WWOX: variants seen among roughly 807,000 people sequenced by gnomAD.
WWOX encodes the protein WW domain-containing oxidoreductase.
Under a neutral mutation model 46.2 loss-of-function variants are expected in WWOX, and 69 were observed. The observed-to-expected ratio is 1.49, with a 90% CI of 1.23 to 1.82. The LOEUF is 1.82. Ranked by LOEUF, WWOX falls within the 40% of genes most tolerant of loss-of-function variation. The pLI, the probability that WWOX is intolerant of heterozygous loss-of-function variation, is 0.00. For synonymous variants in WWOX, 359 were observed against 202.6 expected, an observed-to-expected ratio of 1.77 and a Z score of -6.56; for missense variants, 919 against 542.6, an observed-to-expected ratio of 1.69 and a Z score of -6.89.
At chr16:78,198,945 A>G (rs1037393681) in intron 5 of WWOX, among the ~76,000 whole-genome samples, 19 of 151,978 alleles carry the variant, frequency 1.3e-4, no homozygotes, top group Non-Finnish European at 2.5e-4. Context: ...ACCCTGATCA[A>G]TCCCTCTACC....
At chr16:78,625,799 G>C (rs1178682441) in intron 8 of WWOX, among the ~76,000 whole-genome samples, 1 of 100,164 alleles carries the variant, frequency 1.0e-5, no homozygotes. Context: ...AAAAGTAATG[G>C]CAAAAACTGC....
chr16:78,566,324 C>G (rs1220630592), intron 8 of WWOX, among the ~76,000 whole-genome samples: 1 of 152,182 alleles, frequency 6.6e-6, no homozygotes, highest in Admixed American at 6.5e-5. Context: ...TAGTCCATAA[C>G]AACTATCTCA....
intron 4 of WWOX, among the ~76,000 whole-genome samples, chr16:78,143,017 G>C (rs765445160): frequency 1.3e-5 from 2 of 152,122 alleles, no homozygotes; most frequent in Non-Finnish European, 2.9e-5. Flanking sequence ...CAACACATTT[G>C]TCAGTTTTAC....
At chr16:78,618,933 C>G (rs781724335) in intron 8 of WWOX, among the ~76,000 whole-genome samples, 1 of 150,484 alleles carries the variant, frequency 6.6e-6, no homozygotes, top group Non-Finnish European at 1.5e-5. Context: ...AGGTGCAACT[C>G]CCACTGCTGC....
chr16:79,014,561 T>TC (rs2047375010), intron 8 of WWOX, among the ~76,000 whole-genome samples: 1 of 152,198 alleles, frequency 6.6e-6, no homozygotes, highest in African/African-American at 2.4e-5. Flanking sequence ...CCTGGAAGAT[T>TC]CCCCAGATTT....
At chr16:78,839,993 C>T (rs1173970724) in intron 8 of WWOX, among the ~76,000 whole-genome samples, 3 of 152,172 alleles carry the variant, frequency 2.0e-5, no homozygotes, top group Middle Eastern at 3.2e-3. Context: ...TCCTCCATTC[C>T]CTTTTCTGAG....
intron 8 of WWOX, among the ~76,000 whole-genome samples, chr16:79,209,850 G>T (rs1469577574): frequency 6.6e-6 from 1 of 152,176 alleles, no homozygotes; most frequent in Non-Finnish European, 1.5e-5. Flanking sequence ...TAAGCTCAGG[G>T]TTATTAGGAA....
Position 78,868,749 on chromosome 16 carries a change from A to G in WWOX, c.1057-342859A>G, listed in dbSNP as rs139782477. On this transcript the variant is annotated intron_variant, in intron 8 of 8. Coordinates refer to ENST00000566780, the MANE Select transcript of WWOX (RefSeq NM_016373.4). ...AGCCATTCATAGGCTCTGGCTCACT[A>G]TATATGTCTAAAATTCACATGCCCC... Among the ~76,000 whole-genome samples, 23 of 152,328 alleles carry G rather than the reference A, an allele frequency of 1.5e-4. No individual in the cohort carries two copies. In the East Asian group the frequency reaches 4.3e-3, roughly 28 times the overall value.
chr16:78,959,155 A>T (rs904290528), intron 8 of WWOX, among the ~76,000 whole-genome samples: 4 of 152,234 alleles, frequency 2.6e-5, no homozygotes, highest in African/African-American at 9.6e-5. Context: ...CTTGTAGAGT[A>T]TGAAAGTAAA....
At chr16:78,660,300 C>G (rs1334424881) in intron 8 of WWOX, among the ~76,000 whole-genome samples, 3 of 152,168 alleles carry the variant, frequency 2.0e-5, no homozygotes, top group Admixed American at 6.5e-5. Flanking sequence ...CTTCCGTACA[C>G]TAAAGGTCCC....
intron 8 of WWOX, among the ~76,000 whole-genome samples, chr16:78,471,993 G>A (rs2084233692): frequency 6.6e-6 from 1 of 151,914 alleles, no homozygotes; most frequent in African/African-American, 2.4e-5. Flanking sequence ...TAATTCCAAT[G>A]TTTCACTTTA....
intron 8 of WWOX, among the ~76,000 whole-genome samples, chr16:78,639,094 G>C (rs2046642836): frequency 6.6e-6 from 1 of 152,214 alleles, no homozygotes; most frequent in Non-Finnish European, 1.5e-5. Context: ...TAAAAGACCA[G>C]TCTCCTGTCC....
chr16:78,183,912 A>C (rs751389361), intron 5 of WWOX, among the ~76,000 whole-genome samples: 9 of 152,190 alleles, frequency 5.9e-5, no homozygotes, highest in African/African-American at 1.9e-4. Context: ...CCGTGAGCCA[A>C]TTTGGAGAAA....
intron 5 of WWOX, among the ~76,000 whole-genome samples, chr16:78,385,803 C>A (rs901794330): frequency 6.6e-6 from 1 of 152,212 alleles, no homozygotes. Flanking sequence ...TTACGGGACT[C>A]TTCTTATTTG....
At chr16:79,186,409 C>A (rs1414575324) in intron 8 of WWOX, among the ~76,000 whole-genome samples, 1 of 152,208 alleles carries the variant, frequency 6.6e-6, no homozygotes, top group Non-Finnish European at 1.5e-5. Context: ...TGTTTCCTGG[C>A]TTGCAGCTGC....
At chr16:78,488,121 A>C (rs1176036122) in intron 8 of WWOX, among the ~76,000 whole-genome samples, 1 of 152,100 alleles carries the variant, frequency 6.6e-6, no homozygotes, top group Non-Finnish European at 1.5e-5. Flanking sequence ...GAAACTTGGT[A>C]ATGTAGATTT....
At chr16:78,580,562 C>CACAGAAAT (rs1380802508) in intron 8 of WWOX, among the ~76,000 whole-genome samples, 1 of 152,224 alleles carries the variant, frequency 6.6e-6, no homozygotes, top group African/African-American at 2.4e-5. Flanking sequence ...GAACAAAAGA[C>CACAGAAAT]ACAGAAAGGA....
At chr16:79,046,409 C>A (rs886107569) in intron 8 of WWOX, among the ~76,000 whole-genome samples, 1 of 152,170 alleles carries the variant, frequency 6.6e-6, no homozygotes, top group African/African-American at 2.4e-5. Context: ...AAAAGTATCA[C>A]AGACTGGATG....
intron 8 of WWOX, among the ~76,000 whole-genome samples, chr16:79,063,685 C>T (rs1234946836): frequency 6.6e-6 from 1 of 152,114 alleles, no homozygotes; most frequent in African/African-American, 2.4e-5. Context: ...GATTGACGTG[C>T]CAGCACCTCA....
Sources: allele counts gnomAD v4.1 joint callset (sites outside exome capture counted in the v4.1 genomes callset), GRCh38; gene constraint gnomAD v4.1.1; transcripts MANE v1.5; gene names NCBI Gene and HGNC (gene_info 2026-07-23, HGNC 2026-07-21).